The following ROBO2 variants were observed in gnomAD, a reference collection of about 807,000 sequenced individuals.
The protein encoded by ROBO2 is roundabout guidance receptor 2.
A neutral mutation model predicts 160.8 loss-of-function variants in ROBO2; 53 were observed. The ratio of observed to expected loss-of-function variants is 0.33; its 90% CI spans 0.26 to 0.41. ROBO2 has a LOEUF of 0.41. ROBO2 is among the 10% of genes least tolerant of loss of function. ROBO2 has a pLI of 1.00. For synonymous variants in ROBO2, 664 were observed against 611.7 expected, an observed-to-expected ratio of 1.09 and a Z score of -1.26; for missense variants, 1,577 against 1,722.4, an observed-to-expected ratio of 0.92 and a Z score of 1.49.
At chr3:76,933,328 T>A (rs2149066544) in intron 2 of ROBO2, among the ~76,000 whole-genome samples, 1 of 152,328 alleles carries the variant, frequency 6.6e-6, no homozygotes, top group East Asian at 1.9e-4. Context: ...TTCCTCTAAG[T>A]GAACTATATC....
chr3:76,273,190 A>G (rs1335190226), intron 2 of ROBO2, among the ~76,000 whole-genome samples: 2 of 141,834 alleles, frequency 1.4e-5, no homozygotes, highest in African/African-American at 2.7e-5. Context: ...TTACATGGAT[A>G]AGTGTTAGAG....
At chr3:77,400,062 G>A (rs991631855) in intron 2 of ROBO2, among the ~76,000 whole-genome samples, 1 of 152,152 alleles carries the variant, frequency 6.6e-6, no homozygotes. Flanking sequence ...TGAGGAGGCA[G>A]AGAAAATGAT....
At chr3:76,305,728 T>C (rs1208853026) in intron 2 of ROBO2, among the ~76,000 whole-genome samples, 2 of 150,504 alleles carry the variant, frequency 1.3e-5, no homozygotes, top group Non-Finnish European at 2.9e-5. Flanking sequence ...CACTGCACTC[T>C]AGCCTGGGTA....
chr3:76,877,559 A>G (rs545271391), intron 2 of ROBO2, among the ~76,000 whole-genome samples: 305 of 152,258 alleles, frequency 2.0e-3, no homozygotes, highest in Non-Finnish European at 3.8e-3. Context: ...AAATGATGAC[A>G]TGTTTGCTTT....
chr3:76,693,889 C>G (rs934044902), intron 2 of ROBO2, among the ~76,000 whole-genome samples: 1 of 152,174 alleles, frequency 6.6e-6, no homozygotes, highest in Admixed American at 6.5e-5. Flanking sequence ...GCTTCAGTCT[C>G]CTTACTCAGT....
At chr3:77,000,527 A>G (rs2061282523) in intron 2 of ROBO2, among the ~76,000 whole-genome samples, 1 of 152,116 alleles carries the variant, frequency 6.6e-6, no homozygotes, top group African/African-American at 2.4e-5. Context: ...CTCAATATTT[A>G]TGTTTACAAA....
intron 8 of ROBO2, among the ~76,000 whole-genome samples, chr3:77,555,400 T>G (rs1339592282): frequency 6.6e-6 from 1 of 152,012 alleles, no homozygotes; most frequent in African/African-American, 2.4e-5. Flanking sequence ...CTGGAAATAT[T>G]TATAATTCAA....
At chr3:76,678,162 G>T (rs956220037) in intron 2 of ROBO2, among the ~76,000 whole-genome samples, 1 of 151,332 alleles carries the variant, frequency 6.6e-6, no homozygotes, top group Non-Finnish European at 1.5e-5. Context: ...GTAGAGACAG[G>T]GTTTCGCCAT....
intron 2 of ROBO2, among the ~76,000 whole-genome samples, chr3:76,971,068 C>T (rs2059550123): frequency 6.6e-6 from 1 of 152,118 alleles, no homozygotes; most frequent in Non-Finnish European, 1.5e-5. Context: ...CTATGAAGTT[C>T]TTCCTTTGAC....
At chr3:76,097,283 C>A (rs1282063478) in intron 2 of ROBO2, among the ~76,000 whole-genome samples, 1 of 152,142 alleles carries the variant, frequency 6.6e-6, no homozygotes, top group African/African-American at 2.4e-5. Context: ...CAGGATGGCC[C>A]CAACCCGTTC....
intron 2 of ROBO2, among the ~76,000 whole-genome samples, chr3:76,795,523 C>A (rs532974754): frequency 3.9e-5 from 6 of 152,234 alleles, no homozygotes; most frequent in African/African-American, 1.4e-4. Context: ...CTTTGCTCAT[C>A]CATAAGAAAC....
At chr3:75,951,883 A>C (rs890938536) in intron 2 of ROBO2, among the ~76,000 whole-genome samples, 3 of 152,010 alleles carry the variant, frequency 2.0e-5, no homozygotes, top group African/African-American at 4.8e-5. Flanking sequence ...CATTTTGCTT[A>C]TTCTCAGCAA....
At chr3:76,925,451 T>A (rs769635629) in intron 2 of ROBO2, among the ~76,000 whole-genome samples, 2 of 152,088 alleles carry the variant, frequency 1.3e-5, no homozygotes, top group Non-Finnish European at 2.9e-5. Flanking sequence ...TGAAGCCAGT[T>A]TTACTAAAAT....
At chr3:76,966,804 G>A (rs2059318112) in intron 2 of ROBO2, among the ~76,000 whole-genome samples, 1 of 152,180 alleles carries the variant, frequency 6.6e-6, no homozygotes, top group African/African-American at 2.4e-5. Context: ...TATACCGTAA[G>A]CATTCAAATA....
intron 2 of ROBO2, among the ~76,000 whole-genome samples, chr3:76,345,580 C>G (rs988880914): frequency 6.6e-6 from 1 of 151,124 alleles, no homozygotes; most frequent in Non-Finnish European, 1.5e-5. Flanking sequence ...AAATGTTTTC[C>G]CTGATTTTTT....
intron 2 of ROBO2, among the ~76,000 whole-genome samples, chr3:76,705,924 CT>C (rs2093152025): frequency 6.6e-6 from 1 of 152,032 alleles, no homozygotes; most frequent in South Asian, 2.1e-4. Flanking sequence ...TGAAATCTGT[CT>C]GTGGTAAAGT....
intron 2 of ROBO2, among the ~76,000 whole-genome samples, chr3:76,049,642 T>G (rs1032802525): frequency 6.6e-6 from 1 of 151,992 alleles, no homozygotes; most frequent in Non-Finnish European, 1.5e-5. Flanking sequence ...TATATCACAC[T>G]CTTTACAGAA....
chr3:76,063,482 C>G (rs1358330567), intron 2 of ROBO2, among the ~76,000 whole-genome samples: 1 of 151,474 alleles, frequency 6.6e-6, no homozygotes, highest in African/African-American at 2.4e-5. Flanking sequence ...GTAGCTGGGA[C>G]TACAGGTGTT....
rs576347250 is a variant in ROBO2 at position 76,263,099 on chromosome 3, C to T, written c.109+325497C>T. ...TTTCAATCATCCATGTAGCCACATT[C>T]CTAGCCCTCAGTAAGCATTGTTCTC... On this transcript the variant is annotated intron_variant, in intron 2 of 26. Coordinates refer to the ROBO2 transcript ENST00000487694. 3.3e-5 allele frequency among the ~76,000 whole-genome samples: 5 copies of T among 152,194 alleles called. No homozygotes were observed. The East Asian group carries it at 9.7e-4, about 29-fold the overall frequency.
Sources: gnomAD v4.1 joint callset for allele counts (sites outside exome capture counted in the v4.1 genomes callset) on GRCh38, gnomAD v4.1.1 for gene constraint, MANE v1.5 for transcripts, NCBI Gene and HGNC (gene_info 2026-07-23, HGNC 2026-07-21) for gene names.